Variants in GSDME observed in about 807,000 individuals in gnomAD.
GSDME encodes gasdermin E.
Under a neutral mutation model 47.5 loss-of-function variants are expected in GSDME, and 44 were observed. The ratio of observed to expected loss-of-function variants is 0.93; its 90% CI spans 0.73 to 1.19. The LOEUF (loss-of-function observed/expected upper bound fraction) is 1.19, where lower values mean the gene tolerates loss of function less well. GSDME is among the 50% of genes most tolerant of loss of function. The pLI, the probability that GSDME is intolerant of heterozygous loss-of-function variation, is 0.00. For missense variants in GSDME, 663 were observed against 604.2 expected, an observed-to-expected ratio of 1.10 and a Z score of -1.02; for synonymous variants, 258 against 252.8, an observed-to-expected ratio of 1.02 and a Z score of -0.20.
chr7:24,702,974 GTGAA>G (rs1788936875), intron 8 of GSDME, 141 bp from the exon 9 acceptor site: 2 of 662,340 alleles, frequency 3.0e-6, no homozygotes, highest in Admixed American at 2.1e-5. Flanking sequence ...TGCTGAGTTA[GTGAA>G]TGAATGGTGC....
At chr7:24,787,469 T>C in the GSDME span, among the ~76,000 whole-genome samples, 1 of 152,214 alleles carries the variant, frequency 6.6e-6, no homozygotes, top group East Asian at 1.9e-4. The surrounding 1 kb of genome is among the most constrained non-coding windows in gnomAD (Gnocchi z 5.0). Context: ...CTGAACTACC[T>C]GCCGGGACTT....
chr7:24,706,061 G>A, intron 8 of GSDME, 123 bp downstream of exon 8: 1 of 1,233,396 alleles, frequency 8.1e-7, no homozygotes, highest in Non-Finnish European at 1.2e-6. Context: ...TGTACCAGAA[G>A]GGAAGGACCT....
intron 1 of GSDME, among the ~76,000 whole-genome samples, chr7:24,753,207 C>G (rs1427159950): frequency 6.6e-6 from 1 of 152,184 alleles, no homozygotes; most frequent in East Asian, 1.9e-4. Context: ...GTTCAAAAAT[C>G]TAAATGATGT....
intron 3 of GSDME, among the ~76,000 whole-genome samples, chr7:24,727,970 G>A (rs59697805): frequency 0.016 from 2,374 of 152,292 alleles, 72 homozygotes; most frequent in African/African-American, 0.055. Flanking sequence ...ACTACGAGTC[G>A]GGGGTGCCAC....
the GSDME span, among the ~76,000 whole-genome samples, chr7:24,783,469 C>T: frequency 1.3e-5 from 2 of 152,128 alleles, no homozygotes; most frequent in Admixed American, 1.3e-4. Flanking sequence ...CTGAGGACAC[C>T]GAGGCTCAGA....
At chr7:24,764,977 G>C in the GSDME span, among the ~76,000 whole-genome samples, 1 of 152,158 alleles carries the variant, frequency 6.6e-6, no homozygotes, top group South Asian at 2.1e-4. The surrounding 1 kb of genome is among the most constrained non-coding windows in gnomAD (Gnocchi z 4.4). Context: ...AGCTTTAAAA[G>C]GTCCCAGCAA....
chr7:24,707,064 A>G (rs1333454619), intron 7 of GSDME, among the ~76,000 whole-genome samples: 2 of 152,146 alleles, frequency 1.3e-5, no homozygotes, highest in African/African-American at 4.8e-5. Flanking sequence ...TTCTCCCTGG[A>G]GCTGAGCTCC....
At chr7:24,700,893 C>T (rs548733110) in intron 9 of GSDME, among the ~76,000 whole-genome samples, 32 of 152,314 alleles carry the variant, frequency 2.1e-4, no homozygotes, top group African/African-American at 7.7e-4. Context: ...CAGCATTCGG[C>T]TTTCTTTTCT....
rs549646829 is a variant in GSDME at position 24,717,607 on chromosome 7, T to C, written c.577-233A>G. ...ACCTGGTGGCATCAAAGCGAGATTA[T>C]AGAGCGTGGGATACAGTGAAGTTAG... On this transcript the variant is annotated intron_variant, in intron 4 of 9. Transcript: ENST00000645220. 3.3e-5 allele frequency among the ~76,000 whole-genome samples: 5 copies of C among 152,290 alleles called. No individual in the cohort carries two copies. The South Asian group carries it at 8.3e-4, about 25-fold the overall frequency.
At position 24,742,331 on chromosome 7, in the gene GSDME, G is replaced by A. The variant is rs1326081489; in HGVS notation, c.404+2231C>T. ...AGCATCCAAATTGAGCTCTGTGTCT[G>A]GGAATAAGTTATTTCTCCTTCCTGA... is the stretch of plus-strand genomic sequence containing the variant. On this transcript the variant is annotated intron_variant, in intron 3 of 9. Coordinates refer to ENST00000645220, the MANE Select transcript of GSDME (RefSeq NM_001127453.2). This position sits in a 1 kb window ranked among gnomAD's most constrained non-coding sequence, Gnocchi z 4.4. Among the ~76,000 whole-genome samples, 2 of 152,208 alleles carry A rather than the reference G, an allele frequency of 1.3e-5. No individual in the cohort carries two copies. The highest frequency in any genetic ancestry group is 4.8e-5 in the African/African-American group (2 of 41,454).
the GSDME span, among the ~76,000 whole-genome samples, chr7:24,778,516 G>A: frequency 1.3e-5 from 2 of 152,194 alleles, no homozygotes; most frequent in Non-Finnish European, 2.9e-5. The surrounding 1 kb of genome is among the most constrained non-coding windows in gnomAD (Gnocchi z 5.6). Context: ...GGAGGTCCCT[G>A]GTTCACAGGA....
In GSDME at chr7:24,699,129, T is replaced by C. The variant is rs1788755434; in HGVS notation, c.1388A>G (p.Lys463Arg). 6.2e-7 allele frequency: 1 copy of C among 1,613,962 alleles called. No homozygotes were observed. Among genetic ancestry groups the C allele is most frequent in the Non-Finnish European group, 8.5e-7 (1 of 1,179,834 alleles). ...CAGAATGACAGCTTTCACAGATGAC[T>C]TCAGTCTCTCCAGACTAATGTCAGC... ...ASADISLERL[K>R]SSVKAVILKD... Residue 463 changes from lysine (K) to arginine (R), a missense_variant, in exon 10 of 10, where the codon AAG becomes AGG. Transcript: ENST00000645220.
intron 3 of GSDME, among the ~76,000 whole-genome samples, chr7:24,720,317 C>T (rs564087684): frequency 6.6e-6 from 1 of 152,318 alleles, no homozygotes; most frequent in East Asian, 1.9e-4. Flanking sequence ...AAGAACCAAA[C>T]TAGAGTTGGT....
the GSDME span, among the ~76,000 whole-genome samples, chr7:24,782,015 A>G: frequency 6.6e-6 from 1 of 152,174 alleles, no homozygotes; most frequent in Non-Finnish European, 1.5e-5. Context: ...CAAATGGCTG[A>G]GATTACAGAA....
intron 9 of GSDME, among the ~76,000 whole-genome samples, chr7:24,699,956 T>C (rs1788796333): frequency 6.6e-6 from 1 of 152,196 alleles, no homozygotes; most frequent in Non-Finnish European, 1.5e-5. Flanking sequence ...CCTTCCTGCC[T>C]CAAGAACCTT....
Position 24,717,361 on chromosome 7 carries a change from T to G in GSDME, c.590A>C (p.Glu197Ala). The change falls in exon 5 of 10, where the codon GAG becomes GCG. Residue 197 changes from glutamate (E) to alanine (A), a missense_variant. By Grantham distance (107) the Glu-to-Ala change is moderately radical. Coordinates refer to ENST00000645220, the MANE Select transcript of GSDME (RefSeq NM_001127453.2). The part of the protein sequence containing the change: ...QTKTVQVSAT[E>A]DGNVTKDSNV... Reference sequence around the variant, plus strand: ...GGAGTCCTTGGTGACATTCCCATCCTCCGTCGCTGACACCTGTGGGCAAAA... The same window carrying G: ...GGAGTCCTTGGTGACATTCCCATCCGCCGTCGCTGACACCTGTGGGCAAAA... 6.2e-7 allele frequency: 1 copy of G among 1,614,138 alleles called. No individual in the cohort carries two copies. The highest frequency in any genetic ancestry group is 8.5e-7 in the Non-Finnish European group (1 of 1,180,024).
chr7:24,775,939 G>A, the GSDME span, among the ~76,000 whole-genome samples: 5 of 146,906 alleles, frequency 3.4e-5, no homozygotes, highest in Admixed American at 1.4e-4. Context: ...CAACACTTTC[G>A]GAGGCTGAGG....
At chr7:24,793,778 C>G in the GSDME span, among the ~76,000 whole-genome samples, 1 of 151,856 alleles carries the variant, frequency 6.6e-6, no homozygotes, top group Admixed American at 6.5e-5. Context: ...ATTCTACCCC[C>G]CTTTTCTTTT....
At chr7:24,715,918 G>A (rs573017301) in intron 5 of GSDME, among the ~76,000 whole-genome samples, 1 of 152,292 alleles carries the variant, frequency 6.6e-6, no homozygotes, top group East Asian at 1.9e-4. Flanking sequence ...GGGAGACTCT[G>A]TGCACTCCTT....
Sources: allele counts gnomAD v4.1 joint callset (sites outside exome capture counted in the v4.1 genomes callset), GRCh38; gene constraint gnomAD v4.1.1; non-coding constraint Gnocchi (gnomAD v3.1); transcripts MANE v1.5; gene names NCBI Gene and HGNC (gene_info 2026-07-23, HGNC 2026-07-21).